Variants in LRBA observed in about 807,000 individuals in gnomAD.
LRBA encodes the protein LPS responsive beige-like anchor protein.
Under a neutral mutation model 330.0 loss-of-function variants are expected in LRBA, and 176 were observed. The observed-to-expected ratio is 0.53, with a 90% CI of 0.47 to 0.60. The LOEUF is 0.60. Ranked by LOEUF, LRBA falls within the 20% of genes least tolerant of loss-of-function variation. The pLI, the probability that LRBA is intolerant of heterozygous loss-of-function variation, is 0.00. For synonymous variants in LRBA, 1,230 were observed against 1,193.0 expected (o/e 1.03, Z -0.64); for missense variants, 3,259 against 3,444.8 (o/e 0.95, Z 1.35).
intron 37 of LRBA, among the ~76,000 whole-genome samples, chr4:150,665,580 C>G (rs894517694): frequency 2.6e-5 from 4 of 152,174 alleles, no homozygotes; most frequent in Non-Finnish European, 5.9e-5. Context: ...TCTACAACCA[C>G]TGGTCTAATT....
chr4:150,359,673 C>T (rs752485794), intron 47 of LRBA, among the ~76,000 whole-genome samples: 2 of 151,984 alleles, frequency 1.3e-5, no homozygotes, highest in Non-Finnish European at 2.9e-5. Flanking sequence ...GAAGTTTGTA[C>T]ACTATTAAAG....
At chr4:150,291,119 A>C (rs1213487184) in intron 53 of LRBA, among the ~76,000 whole-genome samples, 1 of 101,098 alleles carries the variant, frequency 9.9e-6, no homozygotes, top group Admixed American at 1.2e-4. Context: ...CCCCCACCCC[A>C]CCACAGTCCC....
chr4:150,634,145 T>C (rs1215665805), intron 37 of LRBA, among the ~76,000 whole-genome samples: 1 of 152,136 alleles, frequency 6.6e-6, no homozygotes, highest in Non-Finnish European at 1.5e-5. Flanking sequence ...TTCATCTAGC[T>C]ACCTCCTACT....
chr4:150,606,272 T>C (rs1774614066), intron 37 of LRBA, among the ~76,000 whole-genome samples: 1 of 152,152 alleles, frequency 6.6e-6, no homozygotes, highest in African/African-American at 2.4e-5. Context: ...GGTGTTATAC[T>C]ACCAGTTAAA....
intron 17 of LRBA, among the ~76,000 whole-genome samples, chr4:150,878,720 C>A (rs1283952428): frequency 2.0e-5 from 3 of 151,882 alleles, no homozygotes; most frequent in African/African-American, 4.8e-5. Context: ...CCTCTATGCA[C>A]ACAAACTAGA....
intron 46 of LRBA, among the ~76,000 whole-genome samples, chr4:150,432,523 T>C (rs1750566871): frequency 7.1e-6 from 1 of 141,382 alleles, no homozygotes; most frequent in South Asian, 2.4e-4. Flanking sequence ...AGTGGCGCTA[T>C]CTCGGCTCAC....
At chr4:150,989,339 G>A (rs1297357746) in intron 2 of LRBA, among the ~76,000 whole-genome samples, 1 of 152,046 alleles carries the variant, frequency 6.6e-6, no homozygotes, top group Non-Finnish European at 1.5e-5. Context: ...CTGTGGCCAG[G>A]CATGGTGGTT....
In LRBA at chr4:150,868,295, T is replaced by C. The variant is rs773609104; in HGVS notation, c.2460A>G (p.Lys820=). 6 of 1,610,510 alleles carry C rather than the reference T, an allele frequency of 3.7e-6. No individual in the cohort carries two copies. The highest frequency in any genetic ancestry group is 1.7e-5 in the Admixed American group (1 of 59,606). Residue 820 remains lysine (K), a synonymous_variant, in exon 21 of 57, where the codon AAA becomes AAG. Coordinates refer to ENST00000651943, the MANE Select transcript of LRBA (RefSeq NM_001364905.1). ...SVKIQNPQIL[K]VIATLLRNSP... ...AATTTCGAAGTAGGGTCGCAATTACTTTTAGTATCTCTGTAAGACAGTTTA... is the reference window on the plus strand; with the variant it reads ...AATTTCGAAGTAGGGTCGCAATTACCTTTAGTATCTCTGTAAGACAGTTTA...
At chr4:150,695,308 A>G (rs905926819) in intron 36 of LRBA, among the ~76,000 whole-genome samples, 1 of 152,140 alleles carries the variant, frequency 6.6e-6, no homozygotes, top group African/African-American at 2.4e-5. Context: ...ACATCTACAG[A>G]TTCGACCAAA....
intron 28 of LRBA, among the ~76,000 whole-genome samples, chr4:150,836,403 G>A (rs1748085712): frequency 6.6e-6 from 1 of 152,108 alleles, no homozygotes; most frequent in African/African-American, 2.4e-5. Flanking sequence ...CACCTCGGGT[G>A]GAATTCAGCT....
intron 9 of LRBA, among the ~76,000 whole-genome samples, chr4:150,909,616 C>T (rs1484663951): frequency 6.6e-6 from 1 of 152,056 alleles, no homozygotes; most frequent in African/African-American, 2.4e-5. Flanking sequence ...TCCTTGTGAC[C>T]CTATTTTTTG....
chr4:150,828,323 G>C lies in LRBA; in HGVS notation c.5028C>G (p.Val1676=). 6.2e-7 allele frequency: 1 copy of C among 1,614,142 alleles called. No homozygotes were observed. Among genetic ancestry groups the C allele is most frequent in the South Asian group, 1.1e-5 (1 of 91,082 alleles). Residue 1676 remains valine, a synonymous_variant, in exon 30 of 57, where the codon GTC becomes GTG. Transcript: ENST00000651943. The part of the protein sequence containing the change: ...ATPSVSVSKN[V]NVKDILRSLV... Reference sequence around the variant, plus strand: ...AGCTTCGGAGAATGTCTTTCACATTGACGTTTTTTGAAACTGAAACTGACG... The same window carrying C: ...AGCTTCGGAGAATGTCTTTCACATTCACGTTTTTTGAAACTGAAACTGACG...
intron 34 of LRBA, among the ~76,000 whole-genome samples, chr4:150,767,636 T>C (rs1362434008): frequency 1.3e-5 from 2 of 150,894 alleles, no homozygotes; most frequent in Admixed American, 6.6e-5. Flanking sequence ...CGGGTGCCTG[T>C]AGTCCCGGCT....
intron 37 of LRBA, among the ~76,000 whole-genome samples, chr4:150,635,480 C>A (rs1032437101): frequency 2.0e-5 from 3 of 152,198 alleles, no homozygotes; most frequent in Non-Finnish European, 4.4e-5. Context: ...CTGCCTCTAA[C>A]ACATAACACC....
At chr4:150,439,481 G>A (rs919016678) in intron 44 of LRBA, among the ~76,000 whole-genome samples, 6 of 151,836 alleles carry the variant, frequency 4.0e-5, no homozygotes, top group African/African-American at 1.5e-4. Flanking sequence ...ATATAAAAAA[G>A]AAGTCCCCAA....
At chr4:150,806,248 T>C (rs1162882537) in intron 33 of LRBA, 23 bp downstream of exon 33, 4 of 1,497,826 alleles carry the variant, frequency 2.7e-6, no homozygotes, top group Admixed American at 4.6e-5. Flanking sequence ...TACATACAAA[T>C]AAAATAAAGA....
At chr4:150,730,251 A>T (rs1350743335) in intron 36 of LRBA, among the ~76,000 whole-genome samples, 1 of 152,244 alleles carries the variant, frequency 6.6e-6, no homozygotes, top group African/African-American at 2.4e-5. Flanking sequence ...TACCCATCTG[A>T]CAAGAGATTA....
At chr4:150,979,942 G>C (rs1740650586) in intron 2 of LRBA, among the ~76,000 whole-genome samples, 1 of 152,068 alleles carries the variant, frequency 6.6e-6, no homozygotes, top group Admixed American at 6.6e-5. Context: ...GAAAAATAGG[G>C]GAGGGAATAC....
At chr4:150,633,652 TAAA>T (rs1777598015) in intron 37 of LRBA, among the ~76,000 whole-genome samples, 2 of 152,204 alleles carry the variant, frequency 1.3e-5, no homozygotes, top group Admixed American at 1.3e-4. Flanking sequence ...CTTTCCATCA[TAAA>T]ATCTTTATGG....
Sources: allele counts gnomAD v4.1 joint callset (sites outside exome capture counted in the v4.1 genomes callset), GRCh38; gene constraint gnomAD v4.1.1; transcripts MANE v1.5; gene names NCBI Gene and HGNC (gene_info 2026-07-23, HGNC 2026-07-21).